Variants in STAC observed in about 807,000 individuals in gnomAD.
The protein encoded by STAC is SH3 and cysteine-rich domain-containing protein.
A neutral mutation model predicts 48.8 loss-of-function variants in STAC; 43 were observed. That is an observed-to-expected ratio of 0.88 (90% CI 0.69 to 1.14). STAC has a LOEUF of 1.14. Ranked by LOEUF, STAC falls within the 50% of genes most tolerant of loss-of-function variation. The probability of loss-of-function intolerance (pLI) is 0.00; values close to 1 mark genes in which losing one functional copy is unlikely to be tolerated. For synonymous variants in STAC, 193 were observed against 179.5 expected (o/e 1.07, Z -0.60); for missense variants, 497 against 504.0 (o/e 0.99, Z 0.13).
At chr3:36,535,944 C>A (rs1415758482) in intron 10 of STAC, among the ~76,000 whole-genome samples, 3 of 152,066 alleles carry the variant, frequency 2.0e-5, no homozygotes, top group Non-Finnish European at 2.9e-5. Flanking sequence ...TTTGTTGTGT[C>A]TCTGCCAGGT....
intron 1 of STAC, among the ~76,000 whole-genome samples, chr3:36,384,528 T>C (rs1396865727): frequency 2.0e-5 from 3 of 152,306 alleles, no homozygotes; most frequent in Admixed American, 1.3e-4. Flanking sequence ...TCAAATCAGA[T>C]GACTGCTACC....
Position 36,443,374 on chromosome 3 carries a change from TA to T in STAC, c.126del (p.Lys42AsnfsTer28). ...TSSQESKLQKLKRSLSFKTKS... is the reference protein window; with the variant it reads ...TSSQESKLQKXKRSLSFKTKS... The stretch of plus-strand genomic sequence containing the variant: ...GTCATTGCATTGCAGCTCCAGAAAC[TA>T]AAACGATCACTTTCTTTCAAGACCA... On this transcript the variant is annotated frameshift_variant, in exon 2 of 11. Transcript: ENST00000273183. LOFTEE classifies it high-confidence loss of function. This position sits in a 1 kb window ranked among gnomAD's most constrained non-coding sequence, Gnocchi z 4.2. 6 of 1,614,186 alleles carry T rather than the reference TA, an allele frequency of 3.7e-6. No homozygotes were observed. The highest frequency in any genetic ancestry group is 5.1e-6 in the Non-Finnish European group (6 of 1,180,034).
At chr3:36,500,615 A>G (rs1698259788) in intron 6 of STAC, among the ~76,000 whole-genome samples, 1 of 152,194 alleles carries the variant, frequency 6.6e-6, no homozygotes, top group South Asian at 2.1e-4. Context: ...TTTTAAAAAG[A>G]ACACATGGAA....
chr3:36,479,623 T>G (rs1697590797), intron 2 of STAC, among the ~76,000 whole-genome samples: 2 of 152,212 alleles, frequency 1.3e-5, no homozygotes, highest in Admixed American at 1.3e-4. Context: ...TATCATACTA[T>G]TCTATTAGCA....
At chr3:36,425,665 G>T (rs948590425) in intron 1 of STAC, among the ~76,000 whole-genome samples, 2 of 152,216 alleles carry the variant, frequency 1.3e-5, no homozygotes, top group Admixed American at 6.5e-5. Context: ...GATGAAAGGT[G>T]TGTATGAACT....
At chr3:36,471,050 T>C (rs1033273496) in intron 2 of STAC, among the ~76,000 whole-genome samples, 1 of 152,208 alleles carries the variant, frequency 6.6e-6, no homozygotes, top group African/African-American at 2.4e-5. Flanking sequence ...TCCATTTTCA[T>C]GATGCTGATA....
chr3:36,507,870 G>C lies in STAC; in HGVS notation c.920+2036G>C, dbSNP rs1231396738. Among the ~76,000 whole-genome samples, 3 of 152,202 alleles carry C rather than the reference G, an allele frequency of 2.0e-5. No individual in the cohort carries two copies. The East Asian group carries it at 5.8e-4, about 29-fold the overall frequency. ...TTTGTTAATCTTTTCAAAAAAACCA[G>C]CTCCTGGATTCATTGATGTTTTGAA... On this transcript the variant is annotated intron_variant, in intron 8 of 10. Coordinates refer to ENST00000273183, the MANE Select transcript of STAC (RefSeq NM_003149.3).
chr3:36,437,931 G>GTTATTATTA (rs146079093), intron 1 of STAC, among the ~76,000 whole-genome samples: 16,371 of 140,422 alleles, frequency 0.12, 1,102 homozygotes, highest in Middle Eastern at 0.18. Flanking sequence ...TATTCATTGA[G>GTTATTATTA]TTATTATTAT....
intron 1 of STAC, among the ~76,000 whole-genome samples, chr3:36,432,545 T>C (rs975320061): frequency 6.6e-6 from 1 of 152,050 alleles, no homozygotes; most frequent in African/African-American, 2.4e-5. Flanking sequence ...CTACTAAAAA[T>C]ACAAAAATTA....
chr3:36,441,046 T>C (rs1321663114), intron 1 of STAC, among the ~76,000 whole-genome samples: 1 of 152,240 alleles, frequency 6.6e-6, no homozygotes, highest in Admixed American at 6.5e-5. Context: ...CACATCAGGG[T>C]AATTAGCATA....
chr3:36,461,927 A>G (rs1221967972), intron 2 of STAC, among the ~76,000 whole-genome samples: 1 of 152,188 alleles, frequency 6.6e-6, no homozygotes, highest in East Asian at 1.9e-4. Context: ...AATTAACAGG[A>G]CATGGATCTA....
At chr3:36,437,967 T>TTATTC in intron 1 of STAC, among the ~76,000 whole-genome samples, 1 of 95,074 alleles carries the variant, frequency 1.1e-5, no homozygotes, top group African/African-American at 3.5e-5. Flanking sequence ...TATTATTATT[T>TTATTC]AGATGAGTTT....
intron 8 of STAC, among the ~76,000 whole-genome samples, chr3:36,527,774 CA>C (rs1698969903): frequency 6.6e-6 from 1 of 152,224 alleles, no homozygotes; most frequent in African/African-American, 2.4e-5. Flanking sequence ...AATTAAACAA[CA>C]AAAACACATT....
intron 8 of STAC, among the ~76,000 whole-genome samples, chr3:36,526,346 A>T (rs1221507190): frequency 6.6e-6 from 1 of 152,114 alleles, no homozygotes; most frequent in Non-Finnish European, 1.5e-5. Flanking sequence ...TTGAGTCTGA[A>T]CTGGCCTTGA....
At chr3:36,515,192 G>T (rs1180057148) in intron 8 of STAC, among the ~76,000 whole-genome samples, 1 of 152,088 alleles carries the variant, frequency 6.6e-6, no homozygotes, top group Non-Finnish European at 1.5e-5. Context: ...TTGTAAAGGG[G>T]GAGGCCAAAA....
At chr3:36,492,517 A>G (rs1698019453) in intron 5 of STAC, among the ~76,000 whole-genome samples, 1 of 152,194 alleles carries the variant, frequency 6.6e-6, no homozygotes, top group Admixed American at 6.5e-5. Context: ...TGGTATCTAT[A>G]AAGTCCTTAA....
At chr3:36,476,456 C>T (rs1215731281) in intron 2 of STAC, among the ~76,000 whole-genome samples, 1 of 152,072 alleles carries the variant, frequency 6.6e-6, no homozygotes, top group South Asian at 2.1e-4. Context: ...CCTCAAGAGG[C>T]GTGACCCAGC....
chr3:36,542,699 G>A (rs943033423), intron 10 of STAC, among the ~76,000 whole-genome samples: 3 of 152,044 alleles, frequency 2.0e-5, no homozygotes, highest in Non-Finnish European at 4.4e-5. Flanking sequence ...AAAATATTAT[G>A]TTTTATGTTG....
At chr3:36,507,349 T>C (rs555463137) in intron 8 of STAC, among the ~76,000 whole-genome samples, 1 of 152,334 alleles carries the variant, frequency 6.6e-6, no homozygotes, top group East Asian at 1.9e-4. Flanking sequence ...TTCACATCGA[T>C]GTTCATCAGG....
Sources: allele counts gnomAD v4.1 joint callset (sites outside exome capture counted in the v4.1 genomes callset), GRCh38; gene constraint gnomAD v4.1.1; non-coding constraint Gnocchi (gnomAD v3.1); transcripts MANE v1.5; gene names NCBI Gene and HGNC (gene_info 2026-07-23, HGNC 2026-07-21).